Variants in ARID1B observed in about 807,000 individuals in gnomAD.
ARID1B encodes the protein AT-rich interaction domain 1B, also known as AT-rich interactive domain-containing protein 1B.
ARID1B carries 30 observed loss-of-function variants against 212.3 expected under a neutral mutation model. The ratio of observed to expected loss-of-function variants is 0.14; its 90% CI spans 0.11 to 0.19. The LOEUF (loss-of-function observed/expected upper bound fraction) is 0.19, where lower values mean the gene tolerates loss of function less well. ARID1B is among the 10% of genes least tolerant of loss of function. The probability of loss-of-function intolerance (pLI) is 1.00; values close to 1 mark genes in which losing one functional copy is unlikely to be tolerated. For synonymous variants in ARID1B, 1,402 were observed against 1,301.7 expected (o/e 1.08, Z -1.66); for missense variants, 2,891 against 3,204.0 (o/e 0.90, Z 2.36).
chr6:156,811,113 G>T (rs192854705), intron 1 of ARID1B, among the ~76,000 whole-genome samples: 15 of 152,272 alleles, frequency 9.9e-5, no homozygotes, highest in Admixed American at 3.3e-4. Flanking sequence ...AATGCCACCA[G>T]CAGAGAGAGA....
chr6:157,047,111 A>G (rs1782288917), intron 4 of ARID1B, among the ~76,000 whole-genome samples: 1 of 152,218 alleles, frequency 6.6e-6, no homozygotes, highest in Non-Finnish European at 1.5e-5. Context: ...AATGTTGGCA[A>G]TTTCATATGG....
chr6:156,931,903 G>A (rs868279535), intron 3 of ARID1B, among the ~76,000 whole-genome samples: 75 of 150,416 alleles, frequency 5.0e-4, no homozygotes, highest in African/African-American at 1.7e-3. Flanking sequence ...TGGAGATTGC[G>A]GTGAGCTGAG....
At chr6:156,819,637 A>G (rs1020278768) in intron 1 of ARID1B, among the ~76,000 whole-genome samples, 2 of 152,338 alleles carry the variant, frequency 1.3e-5, no homozygotes, top group South Asian at 4.1e-4. Flanking sequence ...CACCTGGATG[A>G]TAGCTATAAA....
At chr6:157,005,156 GT>G (rs1779171946) in intron 4 of ARID1B, among the ~76,000 whole-genome samples, 1 of 150,786 alleles carries the variant, frequency 6.6e-6, no homozygotes, top group African/African-American at 2.4e-5. Flanking sequence ...TGTTGTTGTT[GT>G]TGTTGTTGTT....
At chr6:157,178,440 G>A (rs900911976) in intron 11 of ARID1B, among the ~76,000 whole-genome samples, 6 of 152,142 alleles carry the variant, frequency 3.9e-5, no homozygotes, top group African/African-American at 9.7e-5. Flanking sequence ...AGTGTGTGAC[G>A]TCGTGCTGCA....
intron 4 of ARID1B, among the ~76,000 whole-genome samples, chr6:156,960,494 CAA>C (rs1414316698): frequency 1.3e-5 from 2 of 152,122 alleles, no homozygotes; most frequent in Non-Finnish European, 2.9e-5. Flanking sequence ...TTGCTTTTGA[CAA>C]AGTATTGGCC....
intron 1 of ARID1B, among the ~76,000 whole-genome samples, chr6:156,824,709 G>A (rs1430115889): frequency 6.6e-6 from 1 of 152,128 alleles, no homozygotes. Context: ...AGGTTGCAGT[G>A]AGCTGAGATT....
At chr6:156,898,058 T>C (rs541268126) in intron 2 of ARID1B, among the ~76,000 whole-genome samples, 1 of 152,064 alleles carries the variant, frequency 6.6e-6, no homozygotes, top group Non-Finnish European at 1.5e-5. Flanking sequence ...TGTGATAAGA[T>C]CAGGTTGGTC....
chr6:157,026,944 GCCTCAGTTT>G (rs1270584233), intron 4 of ARID1B, among the ~76,000 whole-genome samples: 4 of 152,150 alleles, frequency 2.6e-5, no homozygotes, highest in Admixed American at 2.6e-4. Flanking sequence ...GTATTAGGTA[GCCTCAGTTT>G]CCTTCCCATG....
At chr6:156,845,091 C>CTCAA (rs1562429980) in intron 2 of ARID1B, among the ~76,000 whole-genome samples, 1 of 26,128 alleles carries the variant, frequency 3.8e-5, no homozygotes, top group East Asian at 5.0e-4. Flanking sequence ...ATTTAGGAGA[C>CTCAA]ATCTTCAGCC....
chr6:157,157,445 G>C (rs1442671040), intron 8 of ARID1B, among the ~76,000 whole-genome samples: 1 of 152,220 alleles, frequency 6.6e-6, no homozygotes, highest in African/African-American at 2.4e-5. Context: ...CAACCTGCCA[G>C]GTGTCAGGCT....
At chr6:156,870,801 T>TA (rs1307456960) in intron 2 of ARID1B, among the ~76,000 whole-genome samples, 57 of 152,236 alleles carry the variant, frequency 3.7e-4, no homozygotes, top group African/African-American at 1.3e-3. Flanking sequence ...TAGATATGTT[T>TA]ACATTTTTAA....
intron 8 of ARID1B, among the ~76,000 whole-genome samples, chr6:157,156,077 G>A (rs901007322): frequency 2.0e-5 from 3 of 152,156 alleles, no homozygotes; most frequent in African/African-American, 2.4e-5. Context: ...ATACGTTAAT[G>A]GAGATAGTGC....
At chr6:157,017,792 T>C (rs1029428618) in intron 4 of ARID1B, among the ~76,000 whole-genome samples, 1 of 152,074 alleles carries the variant, frequency 6.6e-6, no homozygotes, top group Admixed American at 6.6e-5. Flanking sequence ...ACATAGCTCC[T>C]TCTGCTGTGG....
At chr6:157,045,129 A>T (rs1304784068) in intron 4 of ARID1B, among the ~76,000 whole-genome samples, 1 of 152,202 alleles carries the variant, frequency 6.6e-6, no homozygotes, top group Non-Finnish European at 1.5e-5. Context: ...AAGAAAGATA[A>T]ACTACTATAA....
rs878880822 is a variant in ARID1B, at chr6:157,208,715, C to CTTTTTTTTTTTTTT, written c.*829_*842dup. On this transcript the variant is annotated 3_prime_UTR_variant, in exon 20 of 20. Coordinates refer to ENST00000636930, the MANE Select transcript of ARID1B (RefSeq NM_001374828.1). The stretch of plus-strand genomic sequence containing the variant: ...AAACATACCCTCATTTTTTTCTTTT[C>CTTTTTTTTTTTTTT]TTTTTTTTTTTTTTTTTTAGTACAA... 7.2e-5 allele frequency: 10 copies of CTTTTTTTTTTTTTT among 139,666 alleles called. No homozygotes were observed. The highest frequency in any genetic ancestry group is 1.8e-4 in the African/African-American group (5 of 28,000). 8.7% of individuals were successfully genotyped at this position (139,666 alleles called of 1,614,324 possible). A position where few individuals can be genotyped will look rare whatever the true frequency, so the allele number is the denominator to read the frequency against.
chr6:156,799,147 G>A lies in ARID1B; in HGVS notation c.1791+19676G>A, dbSNP rs1780600647. Among the ~76,000 whole-genome samples the A allele has an allele frequency of 2.8e-5, 4 of 143,618 alleles. No homozygotes were observed. In the South Asian group the frequency reaches 8.6e-4, roughly 31 times the overall value. 94.2% of individuals were successfully genotyped at this position (143,618 alleles called of 152,430 possible). A position where few individuals can be genotyped will look rare whatever the true frequency, so the allele number is the denominator to read the frequency against. On this transcript the variant is annotated intron_variant, in intron 1 of 19. Coordinates refer to ENST00000636930, the MANE Select transcript of ARID1B (RefSeq NM_001374828.1). The stretch of plus-strand genomic sequence containing the variant: ...ACCTCAAAGGGAAATCAATTGTTTT[G>A]CTGTTGTAGTGAAATACTAAGTATT...
chr6:156,808,945 ACT>A (rs1781372842), intron 1 of ARID1B, among the ~76,000 whole-genome samples: 1 of 152,168 alleles, frequency 6.6e-6, no homozygotes, highest in African/African-American at 2.4e-5. Context: ...TATCTGTGTG[ACT>A]CTAATTAAAG....
At chr6:157,131,521 C>T (rs998221194) in intron 6 of ARID1B, among the ~76,000 whole-genome samples, 6 of 151,782 alleles carry the variant, frequency 4.0e-5, no homozygotes, top group African/African-American at 1.5e-4. Flanking sequence ...GGAAGGAGCA[C>T]GATGTTGTCT....
Sources: allele counts gnomAD v4.1 joint callset (sites outside exome capture counted in the v4.1 genomes callset), GRCh38; gene constraint gnomAD v4.1.1; transcripts MANE v1.5; gene names NCBI Gene and HGNC (gene_info 2026-07-23, HGNC 2026-07-21).